Variants in GALNTL6 observed in about 807,000 individuals in gnomAD.
GALNTL6 encodes the protein polypeptide N-acetylgalactosaminyltransferase-like 6.
GALNTL6 carries 46 observed loss-of-function variants against 73.7 expected under a neutral mutation model. The observed-to-expected ratio is 0.62, with a 90% CI of 0.49 to 0.80. The LOEUF (loss-of-function observed/expected upper bound fraction) is 0.80, where lower values mean the gene tolerates loss of function less well. GALNTL6 is among the 30% of genes least tolerant of loss of function. The probability of loss-of-function intolerance (pLI) is 0.00; values close to 1 mark genes in which losing one functional copy is unlikely to be tolerated. For synonymous variants in GALNTL6, 259 were observed against 263.7 expected (o/e 0.98, Z 0.17); for missense variants, 604 against 755.0 (o/e 0.80, Z 2.34).
chr4:171,961,617 AAATT>A (rs1465718924), intron 2 of GALNTL6, among the ~76,000 whole-genome samples: 1 of 152,208 alleles, frequency 6.6e-6, no homozygotes, highest in Non-Finnish European at 1.5e-5. Context: ...CTGAAGAAAT[AAATT>A]ATGTTTCAAA....
At chr4:172,262,733 A>G (rs1738299923) in intron 3 of GALNTL6, among the ~76,000 whole-genome samples, 1 of 151,504 alleles carries the variant, frequency 6.6e-6, no homozygotes, top group Non-Finnish European at 1.5e-5. Context: ...TTATGTTTTA[A>G]GGAGGTTCTA....
chr4:171,984,095 T>A (rs1464110997), intron 2 of GALNTL6, among the ~76,000 whole-genome samples: 1 of 152,016 alleles, frequency 6.6e-6, no homozygotes, highest in Non-Finnish European at 1.5e-5. Context: ...AGAGTATGTC[T>A]CAGCTGGGAT....
chr4:172,171,900 A>G (rs1443854461), intron 2 of GALNTL6, among the ~76,000 whole-genome samples: 1 of 152,144 alleles, frequency 6.6e-6, no homozygotes, highest in Non-Finnish European at 1.5e-5. Context: ...CAGCCCCAAA[A>G]GTTTTGTAGC....
intron 10 of GALNTL6, among the ~76,000 whole-genome samples, chr4:173,000,493 A>G (rs1042205506): frequency 6.6e-6 from 1 of 152,246 alleles, no homozygotes; most frequent in Admixed American, 6.5e-5. Context: ...AAAGTGATCT[A>G]CAGATTAGAT....
intron 5 of GALNTL6, among the ~76,000 whole-genome samples, chr4:172,373,521 T>A (rs1433163701): frequency 2.6e-5 from 4 of 152,218 alleles, no homozygotes; most frequent in Admixed American, 2.0e-4. Flanking sequence ...TAAACCTTTA[T>A]GAGCTTCAGG....
At chr4:172,830,686 A>T (rs1742577708) in intron 7 of GALNTL6, among the ~76,000 whole-genome samples, 1 of 152,190 alleles carries the variant, frequency 6.6e-6, no homozygotes. Context: ...GAGTAGATTG[A>T]TTGAGAAAAT....
chr4:172,718,118 G>A (rs936742285), intron 5 of GALNTL6, among the ~76,000 whole-genome samples: 7 of 152,082 alleles, frequency 4.6e-5, no homozygotes, highest in African/African-American at 1.7e-4. Context: ...TAAAGTTTTG[G>A]TTGGAAAAAA....
At chr4:172,208,894 A>T (rs542588201) in intron 2 of GALNTL6, among the ~76,000 whole-genome samples, 3 of 152,150 alleles carry the variant, frequency 2.0e-5, no homozygotes, top group Non-Finnish European at 4.4e-5. Flanking sequence ...GCTATTATGT[A>T]GAAAAAAGTA....
intron 8 of GALNTL6, among the ~76,000 whole-genome samples, chr4:172,922,347 C>A (rs566761519): frequency 1.4e-3 from 217 of 152,198 alleles, no homozygotes; most frequent in African/African-American, 5.1e-3. Flanking sequence ...CCAAAAATTT[C>A]TTTTAAAAAT....
At chr4:172,753,881 C>T (rs1327422532) in intron 5 of GALNTL6, among the ~76,000 whole-genome samples, 1 of 151,922 alleles carries the variant, frequency 6.6e-6, no homozygotes, top group South Asian at 2.1e-4. Flanking sequence ...TTAGTAGAGG[C>T]CCTTAACTAC....
chr4:172,609,623 C>CTGTG (rs1414167008), intron 5 of GALNTL6, among the ~76,000 whole-genome samples: 35,947 of 89,848 alleles, frequency 0.4, 6,149 homozygotes, highest in Non-Finnish European at 0.47. Context: ...CTCTCTCTCT[C>CTGTG]TCTGTGTGTG....
At chr4:172,955,665 C>T (rs758514920) in intron 10 of GALNTL6, among the ~76,000 whole-genome samples, 2 of 152,010 alleles carry the variant, frequency 1.3e-5, no homozygotes, top group Non-Finnish European at 2.9e-5. Context: ...TACTTTCACT[C>T]GCGTCCCTGT....
At chr4:172,969,044 A>T (rs1410462626) in intron 10 of GALNTL6, among the ~76,000 whole-genome samples, 1 of 152,222 alleles carries the variant, frequency 6.6e-6, no homozygotes, top group Non-Finnish European at 1.5e-5. Context: ...GAGCTAAAAC[A>T]ATCTTAAAAC....
intron 5 of GALNTL6, among the ~76,000 whole-genome samples, chr4:172,736,956 C>A (rs4420959): frequency 0.36 from 54,623 of 152,088 alleles, 10,869 homozygotes; most frequent in African/African-American, 0.52. Context: ...GCCTTTGTTA[C>A]TCCTCTTTCC....
chr4:172,660,548 C>T (rs1291547374), intron 5 of GALNTL6, among the ~76,000 whole-genome samples: 1 of 152,230 alleles, frequency 6.6e-6, no homozygotes, highest in Non-Finnish European at 1.5e-5. Flanking sequence ...TTTGCTCCAG[C>T]TGGCTGGCCT....
chr4:172,503,581 C>T (rs1284382860), intron 5 of GALNTL6, among the ~76,000 whole-genome samples: 2 of 134,598 alleles, frequency 1.5e-5, no homozygotes, highest in Non-Finnish European at 3.1e-5. Flanking sequence ...ACTTGTGGTT[C>T]TAGTTGGCAC....
chr4:172,528,223 A>G (rs1478350185), intron 5 of GALNTL6, among the ~76,000 whole-genome samples: 4 of 150,512 alleles, frequency 2.7e-5, no homozygotes, highest in Non-Finnish European at 5.9e-5. Flanking sequence ...AACTTGCTAT[A>G]ATTTCTAGAA....
chr4:172,465,043 G>A lies in GALNTL6; in HGVS notation c.553+116354G>A, dbSNP rs1030275708. 5.3e-5 allele frequency among the ~76,000 whole-genome samples: 8 copies of A among 151,976 alleles called. No homozygotes were observed. In the East Asian group the frequency reaches 7.7e-4, roughly 15 times the overall value. On this transcript the variant is annotated intron_variant, in intron 5 of 12. Coordinates refer to ENST00000506823, the MANE Select transcript of GALNTL6 (RefSeq NM_001034845.3). Reference sequence around the variant, plus strand: ...AAACAATACTGATTTTTATTTCCTCGGCTGAGGTTCTTTGGCTTGAACATG... The same window carrying A: ...AAACAATACTGATTTTTATTTCCTCAGCTGAGGTTCTTTGGCTTGAACATG...
chr4:171,857,147 G>T (rs1194645220), intron 2 of GALNTL6, among the ~76,000 whole-genome samples: 6 of 152,092 alleles, frequency 3.9e-5, no homozygotes, highest in African/African-American at 1.2e-4. Context: ...ACATATTCAT[G>T]TACATGTAAG....
Sources: allele counts gnomAD v4.1 joint callset (sites outside exome capture counted in the v4.1 genomes callset), GRCh38; gene constraint gnomAD v4.1.1; transcripts MANE v1.5; gene names NCBI Gene and HGNC (gene_info 2026-07-23, HGNC 2026-07-21).